Variants in FCN3 observed in about 807,000 individuals in gnomAD.
FCN3 encodes the protein ficolin-3.
FCN3 carries 28 observed loss-of-function variants against 31.5 expected under a neutral mutation model. The observed-to-expected ratio is 0.89, with a 90% CI of 0.66 to 1.22. The LOEUF is 1.22. Among genes scored for constraint, FCN3 ranks in the 50% most tolerant of loss-of-function variants. The probability of loss-of-function intolerance (pLI) is 0.00; values close to 1 mark genes in which losing one functional copy is unlikely to be tolerated. For missense variants in FCN3, 351 were observed against 386.8 expected, an observed-to-expected ratio of 0.91 and a Z score of 0.78; for synonymous variants, 124 against 147.4, an observed-to-expected ratio of 0.84 and a Z score of 1.15.
intron 5 of FCN3, 94 bp from the exon 6 acceptor site, chr1:27,371,066 C>G (rs1332714490): frequency 4.0e-6 from 5 of 1,262,276 alleles, no homozygotes; most frequent in Admixed American, 2.1e-5. Flanking sequence ...TACCCACTCT[C>G]TCTTTGGATT....
In FCN3 at chr1:27,373,585, G is replaced by A. The variant is rs2016191525; in HGVS notation, c.233-65C>T. On this transcript the variant is annotated intron_variant, in intron 3 of 7. Coordinates refer to ENST00000270879, the MANE Select transcript of FCN3 (RefSeq NM_003665.4). ...AGCACCCCAGCGCTGAGCCACCAGTGGAGCCGGTACCCAGGCCCTTTTCCG... is the reference window on the plus strand; with the variant it reads ...AGCACCCCAGCGCTGAGCCACCAGTAGAGCCGGTACCCAGGCCCTTTTCCG... 4 of 1,557,268 alleles carry A rather than the reference G, an allele frequency of 2.6e-6. No homozygotes were observed. In the African/African-American group the frequency reaches 5.4e-5, roughly 21 times the overall value.
intron 1 of FCN3, 66 bp from the exon 2 acceptor site, chr1:27,374,517 TCTTC>T: frequency 9.2e-7 from 1 of 1,083,102 alleles, no homozygotes; most frequent in Non-Finnish European, 1.4e-6. Flanking sequence ...TCTTCAGTTC[TCTTC>T]CTGTCTCCCA....
At chr1:27,371,203 G>C (rs1203922710) in intron 5 of FCN3, among the ~76,000 whole-genome samples, 5 of 152,308 alleles carry the variant, frequency 3.3e-5, no homozygotes, top group African/African-American at 1.2e-4. Flanking sequence ...TGGGAAGACT[G>C]AATTGACAAA....
chr1:27,373,146 C>A lies in FCN3; in HGVS notation c.383G>T (p.Gly128Val). The change falls in exon 5 of 8, where the codon GGC (glycine) becomes GTC (valine). Residue 128 changes from glycine (G) to valine (V), a missense_variant. Physicochemically the swap from Gly to Val is moderately radical, Grantham distance 109 (BLOSUM62 -3). Coordinates refer to ENST00000270879, the MANE Select transcript of FCN3 (RefSeq NM_003665.4). Reference sequence around the variant, plus strand: ...TTCTCAGACACTCACCAGCCAGCCGCCCCCCTCGGTGTCCATGTCACAAAA... The same window carrying A: ...TTCTCAGACACTCACCAGCCAGCCGACCCCCTCGGTGTCCATGTCACAAAA... ...PVFCDMDTEG[G>V]GWLVFQRRQD... 6.2e-7 allele frequency: 1 copy of A among 1,613,862 alleles called. No individual in the cohort carries two copies. The highest frequency in any genetic ancestry group is 8.5e-7 in the Non-Finnish European group (1 of 1,179,892).
At chr1:27,370,413 C>T (rs944299858) in intron 7 of FCN3, 183 bp downstream of exon 7, 1 of 610,042 alleles carries the variant, frequency 1.6e-6, no homozygotes, top group African/African-American at 1.9e-5. Context: ...AAACTCAGGT[C>T]TGTTTGCCTC....
Position 27,369,261 on chromosome 1 carries a change from C to T in FCN3, c.875G>A (p.Arg292His), listed in dbSNP as rs553026191. 1.5e-4 allele frequency: 248 copies of T among 1,614,208 alleles called. 5 individuals are homozygous for T. The South Asian group carries it at 2.5e-3, about 16-fold the overall frequency. Residue 292 changes from arginine to histidine, a missense_variant, in exon 8 of 8, where the codon CGC becomes CAC. By Grantham distance (29) the Arg-to-His change is conservative. Transcript: ENST00000270879. ...ASGRGVGHPY[R>H]RVRMMLR ...CTATCGAAGCATCATCCGAACCCTGCGGTAGGGGTGGCCCACACCACGGCC... is the reference window on the plus strand; with the variant it reads ...CTATCGAAGCATCATCCGAACCCTGTGGTAGGGGTGGCCCACACCACGGCC...
At chr1:27,373,904 A>G in intron 3 of FCN3, 61 bp downstream of exon 3, 2 of 1,419,782 alleles carry the variant, frequency 1.4e-6, no homozygotes, top group Admixed American at 3.5e-5. Context: ...CAGAGATCCC[A>G]CCCTAGAGTC....
intron 1 of FCN3, 57 bp from the exon 2 acceptor site, chr1:27,374,508 C>T (rs1403400959): frequency 8.8e-7 from 1 of 1,135,598 alleles, no homozygotes; most frequent in South Asian, 1.3e-5. Context: ...CCAGACCCCT[C>T]TTCAGTTCTC....
chr1:27,369,696 T>C (rs916440566), intron 7 of FCN3, among the ~76,000 whole-genome samples: 8 of 151,704 alleles, frequency 5.3e-5, no homozygotes, highest in African/African-American at 1.9e-4. Flanking sequence ...GCTCCCAGCT[T>C]TTCCCCCTGT....
In FCN3 at chr1:27,370,942, C is replaced by A; in HGVS notation, c.424G>T (p.Asp142Tyr). 1 of 1,613,456 alleles carries A rather than the reference C, an allele frequency of 6.2e-7. No individual in the cohort carries two copies. Among genetic ancestry groups the A allele is most frequent in the Non-Finnish European group, 8.5e-7 (1 of 1,179,962 alleles). ...VFQRRQDGSV[D>Y]FFRSWSSYRA... ...TAGGAGGACCAAGAGCGGAAGAAAT[C>A]CACAGAACCATCCTGGCGCCTCTGA... Residue 142 changes from aspartate (D) to tyrosine (Y), a missense_variant, in exon 6 of 8, where the codon GAT becomes TAT. Coordinates refer to ENST00000270879, the MANE Select transcript of FCN3 (RefSeq NM_003665.4).
intron 5 of FCN3, among the ~76,000 whole-genome samples, chr1:27,371,244 C>T (rs767147460): frequency 2.6e-5 from 4 of 152,204 alleles, no homozygotes; most frequent in African/African-American, 4.8e-5. Flanking sequence ...AGATGGCCAG[C>T]GCTGCTGGGT....
intron 5 of FCN3, among the ~76,000 whole-genome samples, chr1:27,371,970 A>T (rs779864419): frequency 5.9e-5 from 9 of 152,112 alleles, no homozygotes; most frequent in Non-Finnish European, 1.2e-4. Flanking sequence ...CATGTTGCCC[A>T]GGCTGGTCTT....
At chr1:27,370,779 TG>T (rs1239171284) in intron 6 of FCN3, 49 bp from the exon 7 acceptor site, 1 of 1,611,242 alleles carries the variant, frequency 6.2e-7, no homozygotes, top group South Asian at 1.1e-5. Context: ...TTCTTGGGGG[TG>T]GGGCAGGGAT....
Position 27,369,337 on chromosome 1 carries a change from A to T in FCN3, c.799T>A (p.Tyr267Asn). ...TGGGCGGCAGCCTCAGACACTGCAT[A>T]GCGACCATTGAGATTTGATCGGTAA... Reference protein sequence around the residue: ...SCYRSNLNGRYAVSEAAAHKY... With the variant: ...SCYRSNLNGRNAVSEAAAHKY... The change falls in exon 8 of 8, where the codon TAT becomes AAT. Residue 267 changes from tyrosine (Y) to asparagine (N), a missense_variant. Coordinates refer to ENST00000270879, the MANE Select transcript of FCN3 (RefSeq NM_003665.4). 1 of 1,614,244 alleles carries T rather than the reference A, an allele frequency of 6.2e-7. No individual in the cohort carries two copies. The highest frequency in any genetic ancestry group is 1.3e-5 in the African/African-American group (1 of 75,060).
At chr1:27,369,528 A>G (rs1201831844) in intron 7 of FCN3, 51 bp from the exon 8 acceptor site, 1 of 1,556,048 alleles carries the variant, frequency 6.4e-7, no homozygotes, top group Non-Finnish European at 8.9e-7. Flanking sequence ...CACGCCTGGC[A>G]CCTTTGGAGA....
At chr1:27,370,488 A>T in intron 7 of FCN3, 108 bp downstream of exon 7, 1 of 945,742 alleles carries the variant, frequency 1.1e-6, no homozygotes, top group Non-Finnish European at 1.6e-6. Context: ...AGATGCGGAA[A>T]CTAAGGCCCA....
In FCN3 at chr1:27,373,796, G is replaced by A; in HGVS notation, c.232+169C>T. On this transcript the variant is annotated intron_variant, in intron 3 of 7. Coordinates refer to ENST00000270879, the MANE Select transcript of FCN3 (RefSeq NM_003665.4). ...CCCAGCCCTCCATCCCCAATAGGAG[G>A]GCCATCATAGGGTAGCCAGGCCCTT... The A allele has an allele frequency of 1.7e-5, 12 of 693,552 alleles. 1 individual carries two copies. The highest frequency in any genetic ancestry group is 1.6e-4 in the South Asian group (9 of 56,650). The allele number at this position is 693,552 out of a possible 1,614,324, so 43.0% of individuals were successfully genotyped here. A position where few individuals can be genotyped will look rare whatever the true frequency, so the allele number is the denominator to read the frequency against.
rs768187268 is a variant in FCN3 at position 27,369,434 on chromosome 1, A to G, written c.702T>C (p.Tyr234=). 3 of 1,614,230 alleles carry G rather than the reference A, an allele frequency of 1.9e-6. No homozygotes were observed. The highest frequency in any genetic ancestry group is 2.5e-6 in the Non-Finnish European group (3 of 1,180,028). The change falls in exon 8 of 8, where the codon TAT becomes TAC. Residue 234 remains tyrosine (Y), a synonymous_variant. Coordinates refer to ENST00000270879, the MANE Select transcript of FCN3 (RefSeq NM_003665.4). ...TGTTGCTTGAATCGTGGTCAGCGTC[A>G]TAGGTGGTAAAGGGCCTCCCACTGT... ...SLHSGRPFTT[Y]DADHDSSNSN... is the part of the protein sequence containing the mutation.
chr1:27,370,006 C>G (rs532662348), intron 7 of FCN3, among the ~76,000 whole-genome samples: 1 of 135,518 alleles, frequency 7.4e-6, no homozygotes, highest in Non-Finnish European at 1.6e-5. Context: ...GCGCTCCCCC[C>G]GCCTTTTTTT....
Sources: allele counts gnomAD v4.1 joint callset (sites outside exome capture counted in the v4.1 genomes callset), GRCh38; gene constraint gnomAD v4.1.1; transcripts MANE v1.5; gene names NCBI Gene and HGNC (gene_info 2026-07-23, HGNC 2026-07-21).